Variants in HLF observed in about 807,000 individuals in gnomAD.
The protein encoded by HLF is hepatic leukemia factor.
In HLF, 3 loss-of-function variants were observed where a neutral mutation model predicts 22.6. The observed-to-expected ratio is 0.13, with a 90% CI of 0.06 to 0.34. The LOEUF is 0.34. Among genes scored for constraint, HLF ranks in the 10% least tolerant of loss-of-function variants. The pLI, the probability that HLF is intolerant of heterozygous loss-of-function variation, is 1.00. For missense variants in HLF, 299 were observed against 389.2 expected (o/e 0.77, Z 1.95); for synonymous variants, 151 against 151.8 (o/e 0.99, Z 0.04).
At chr17:55,299,640 G>A (rs1183360904) in intron 2 of HLF, among the ~76,000 whole-genome samples, 6 of 152,176 alleles carry the variant, frequency 3.9e-5, no homozygotes, top group East Asian at 1.9e-4. Flanking sequence ...CCTGCCACAC[G>A]TCTAGCGCAC....
chr17:55,284,077 G>C (rs1460933165), intron 2 of HLF: 1 of 152,204 alleles, frequency 6.6e-6, no homozygotes, highest in Non-Finnish European at 1.5e-5. Context: ...GAACTCTTCA[G>C]ATTTTTCTTT....
At position 55,320,274 on chromosome 17, in the gene HLF, TACCCAAAAA is replaced by T. The variant is rs1172349047; in HGVS notation, c.673-388_673-380del. Among the ~76,000 whole-genome samples, 2 of 152,200 alleles carry T rather than the reference TACCCAAAAA, an allele frequency of 1.3e-5. No individual in the cohort carries two copies. The highest frequency in any genetic ancestry group is 2.9e-5 in the Non-Finnish European group (2 of 68,036). On this transcript the variant is annotated intron_variant, in intron 3 of 3. Transcript: ENST00000226067. This position sits in a 1 kb window ranked among gnomAD's most constrained non-coding sequence, Gnocchi z 4.2. ...CTTCTAAAATTTTTGTACCAACTCA[TACCCAAAAA>T]AGCATATGAGTGCCCTTGAAGGAAA...
rs553692125 is a variant in HLF at position 55,279,948 on chromosome 17, A to G, written c.451+11862A>G. ...GCCACCAGAGAGGATGTCATCGGCC[A>G]ACCCGCAAAGGTGGTGGGATCTACC... On this transcript the variant is annotated intron_variant, in intron 2 of 3. Coordinates refer to ENST00000226067, the MANE Select transcript of HLF (RefSeq NM_002126.5). Among the ~76,000 whole-genome samples, 99 of 143,312 alleles carry G rather than the reference A, an allele frequency of 6.9e-4. 1 individual carries two copies. The South Asian group carries it at 0.019, about 27-fold the overall frequency. 94.0% of individuals were successfully genotyped at this position (143,312 alleles called of 152,430 possible).
chr17:55,271,993 C>T (rs951665423), intron 2 of HLF: 1 of 152,132 alleles, frequency 6.6e-6, no homozygotes, highest in African/African-American at 2.4e-5. Flanking sequence ...TCATTAAAAC[C>T]TGTTGTGGCT....
At chr17:55,278,874 T>C (rs896443352) in intron 2 of HLF, among the ~76,000 whole-genome samples, 1 of 151,854 alleles carries the variant, frequency 6.6e-6, no homozygotes, top group Non-Finnish European at 1.5e-5. Context: ...CAAAATAGTA[T>C]TGTTTTTAAA....
At chr17:55,274,903 T>G (rs376275440) in intron 2 of HLF, among the ~76,000 whole-genome samples, 4 of 152,246 alleles carry the variant, frequency 2.6e-5, no homozygotes, top group South Asian at 4.1e-4. Context: ...AGAGTCTTGA[T>G]ACTTTTCCCT....
chr17:55,294,539 T>C (rs1567818974), intron 2 of HLF, among the ~76,000 whole-genome samples: 1 of 152,178 alleles, frequency 6.6e-6, no homozygotes, highest in Non-Finnish European at 1.5e-5. Flanking sequence ...TTGGTAAATA[T>C]TAGTTTCCTT....
chr17:55,304,386 G>A (rs887007735), intron 2 of HLF, among the ~76,000 whole-genome samples: 19 of 152,230 alleles, frequency 1.2e-4, no homozygotes, highest in East Asian at 1.9e-4. Flanking sequence ...CACGTGCCTC[G>A]GCCATTAGTT....
At chr17:55,271,081 C>T (rs889858719) in intron 2 of HLF, among the ~76,000 whole-genome samples, 1 of 152,192 alleles carries the variant, frequency 6.6e-6, no homozygotes, top group Non-Finnish European at 1.5e-5. Flanking sequence ...GTCCCCTGGG[C>T]ATAATACAGT....
At chr17:55,287,124 C>T (rs571894751) in intron 2 of HLF, among the ~76,000 whole-genome samples, 1 of 152,176 alleles carries the variant, frequency 6.6e-6, no homozygotes, top group Admixed American at 6.5e-5. Flanking sequence ...AATACTGTTG[C>T]AATCACATTA....
chr17:55,291,562 A>C (rs1034503083), intron 2 of HLF, among the ~76,000 whole-genome samples: 9 of 152,026 alleles, frequency 5.9e-5, no homozygotes. Flanking sequence ...GCTTATTGGC[A>C]GTGTACCTGT....
At chr17:55,297,456 G>A (rs1203467615) in intron 2 of HLF, among the ~76,000 whole-genome samples, 1 of 152,080 alleles carries the variant, frequency 6.6e-6, no homozygotes, top group East Asian at 1.9e-4. Context: ...TGCTTAGGTA[G>A]CCTCAATAGA....
intron 2 of HLF, among the ~76,000 whole-genome samples, chr17:55,297,712 C>T (rs2081121993): frequency 6.6e-6 from 1 of 150,778 alleles, no homozygotes; most frequent in African/African-American, 2.4e-5. Context: ...AACCTGAGGA[C>T]CACGTGTCTT....
At chr17:55,303,117 G>A (rs1210869259) in intron 2 of HLF, among the ~76,000 whole-genome samples, 2 of 152,164 alleles carry the variant, frequency 1.3e-5, no homozygotes, top group Non-Finnish European at 2.9e-5. Flanking sequence ...CACCATCACC[G>A]CTCTGCACAC....
At chr17:55,314,847 A>T (rs34186098) in intron 2 of HLF, among the ~76,000 whole-genome samples, 7,122 of 152,266 alleles carry the variant, frequency 0.047, 333 homozygotes, top group African/African-American at 0.12. Context: ...CTGGCTAGTT[A>T]TTGGTCTGTC....
chr17:55,290,963 C>G (rs1267754368), intron 2 of HLF, among the ~76,000 whole-genome samples: 1 of 152,186 alleles, frequency 6.6e-6, no homozygotes, highest in Non-Finnish European at 1.5e-5. Context: ...CCATCCACAA[C>G]ATTCCCTTAA....
chr17:55,290,133 GA>G (rs2081047043), intron 2 of HLF, among the ~76,000 whole-genome samples: 1 of 152,178 alleles, frequency 6.6e-6, no homozygotes, highest in Non-Finnish European at 1.5e-5. Context: ...AACATTAACA[GA>G]AGGCCTTGGT....
rs1452158578 is a variant in HLF at position 55,321,453 on chromosome 17, G to A, written c.*574G>A. ...CTTACTTTCAGTTTTGGTGATAATC[G>A]TCTTCAAATTAAAGTGCTGTTTAGA... On this transcript the variant is annotated 3_prime_UTR_variant, in exon 4 of 4. Coordinates refer to ENST00000226067, the MANE Select transcript of HLF (RefSeq NM_002126.5). 8.6e-6 allele frequency: 2 copies of A among 231,338 alleles called. No individual in the cohort carries two copies. Among genetic ancestry groups the A allele is most frequent in the East Asian group, 1.2e-4 (2 of 16,252 alleles). 14.3% of individuals were successfully genotyped at this position (231,338 alleles called of 1,614,324 possible).
At chr17:55,270,867 C>T (rs1029457963) in intron 2 of HLF, among the ~76,000 whole-genome samples, 29 of 152,032 alleles carry the variant, frequency 1.9e-4, no homozygotes, top group Non-Finnish European at 1.5e-4. Context: ...TGGTCTCGAT[C>T]GCCTGACCTC....
Sources: allele counts gnomAD v4.1 joint callset (sites outside exome capture counted in the v4.1 genomes callset), GRCh38; gene constraint gnomAD v4.1.1; non-coding constraint Gnocchi (gnomAD v3.1); transcripts MANE v1.5; gene names NCBI Gene and HGNC (gene_info 2026-07-23, HGNC 2026-07-21).